NUP98: variants seen among roughly 807,000 people sequenced by gnomAD.
The protein encoded by NUP98 is nucleoporin 98 and 96 precursor.
In NUP98, 26 loss-of-function variants were observed where a neutral mutation model predicts 191.9. The ratio of observed to expected loss-of-function variants is 0.14; its 90% CI spans 0.10 to 0.19. The LOEUF (loss-of-function observed/expected upper bound fraction) is 0.19. Ranked by LOEUF, NUP98 falls within the 10% of genes least tolerant of loss-of-function variation. The pLI is 1.00. For synonymous variants in NUP98, 808 were observed against 778.4 expected (o/e 1.04, Z -0.63); for missense variants, 1,941 against 2,178.8 (o/e 0.89, Z 2.17).
At chr11:3,692,606 A>G (rs1393707149) in intron 27 of NUP98, among the ~76,000 whole-genome samples, 1 of 152,138 alleles carries the variant, frequency 6.6e-6, no homozygotes, top group Non-Finnish European at 1.5e-5. Flanking sequence ...AAAAAAAAAA[A>G]AGTAAACAGA....
intron 7 of NUP98, among the ~76,000 whole-genome samples, chr11:3,771,475 T>G (rs974054037): frequency 6.6e-6 from 1 of 152,178 alleles, no homozygotes; most frequent in African/African-American, 2.4e-5. Flanking sequence ...TGGAATGTTC[T>G]TCCCCCAGAA....
intron 10 of NUP98, among the ~76,000 whole-genome samples, chr11:3,754,578 G>A (rs2080890603): frequency 6.6e-6 from 1 of 152,142 alleles, no homozygotes; most frequent in Non-Finnish European, 1.5e-5. Flanking sequence ...ACGTGTAGCT[G>A]ATTACACGTG....
intron 14 of NUP98, among the ~76,000 whole-genome samples, chr11:3,731,158 G>C (rs1357215694): frequency 6.6e-6 from 1 of 152,086 alleles, no homozygotes; most frequent in Non-Finnish European, 1.5e-5. Flanking sequence ...CAGCTACTCA[G>C]GAGGCTGAAG....
intron 15 of NUP98, among the ~76,000 whole-genome samples, chr11:3,724,775 T>A: frequency 2.2e-5 from 1 of 44,518 alleles, no homozygotes; most frequent in African/African-American, 1.5e-4. Context: ...AGTGAGACTC[T>A]GTCTCAAAAA....
At chr11:3,730,539 T>C (rs2079803125) in intron 14 of NUP98, among the ~76,000 whole-genome samples, 1 of 152,062 alleles carries the variant, frequency 6.6e-6, no homozygotes, top group Non-Finnish European at 1.5e-5. Flanking sequence ...TAATTTTGTA[T>C]ATTCAGTAAA....
intron 1 of NUP98, among the ~76,000 whole-genome samples, chr11:3,790,189 G>A (rs935229573): frequency 2.0e-5 from 3 of 152,180 alleles, no homozygotes; most frequent in Non-Finnish European, 4.4e-5. Flanking sequence ...ATTTACTGAG[G>A]ATGAACTGTT....
In NUP98 at chr11:3,720,830, G is replaced by GAAAA; in HGVS notation, c.2147-6_2147-5insTTTT. 1.3e-5 allele frequency: 4 copies of GAAAA among 317,084 alleles called. No individual in the cohort carries two copies. The highest frequency in any genetic ancestry group is 1.9e-5 in the Non-Finnish European group (4 of 206,002). The allele number at this position is 317,084 out of a possible 1,614,324, so 19.6% of individuals were successfully genotyped here. A position where few individuals can be genotyped will look rare whatever the true frequency, so the allele number is the denominator to read the frequency against. On this transcript the variant is annotated splice_polypyrimidine_tract_variant and splice_region_variant and intron_variant, in intron 16 of 32. Coordinates refer to ENST00000324932, the MANE Select transcript of NUP98 (RefSeq NM_016320.5). The stretch of plus-strand genomic sequence containing the variant: ...CAACCTTAGTGAGAATAATACCTGT[G>GAAAA]ACAAAAAAAAAAAAAAAAACAGAAA...
rs146972892 is a variant in NUP98 at position 3,676,559 on chromosome 11, C to T, written c.5135G>A (p.Arg1712Gln). The change falls in exon 32 of 33, where the codon CGG (arginine) becomes CAG (glutamine). Residue 1712 changes from arginine to glutamine, a missense_variant. Physicochemically the swap from Arg to Gln is conservative, Grantham distance 43 (BLOSUM62 1). Around this residue, in one of 6 missense-constraint regions of NUP98, gnomAD observed 1,030 missense variants for 1,115.8 expected, o/e 0.92. Coordinates refer to ENST00000324932, the MANE Select transcript of NUP98 (RefSeq NM_016320.5). ...LHIKVTSLCS[R>Q]IEQIQCYSAK... ...ACTGTAACACTGAATCTGCTCTATC[C>T]GACTGCACAGTGAAGTCACTTTGAT... 180 of 1,614,150 alleles carry T rather than the reference C, an allele frequency of 1.1e-4. 2 individuals are homozygous for T. The African/African-American group carries it at 1.6e-3, about 14-fold the overall frequency.
chr11:3,783,258 C>T (rs960347067), intron 1 of NUP98, among the ~76,000 whole-genome samples: 1 of 151,548 alleles, frequency 6.6e-6, no homozygotes, highest in Non-Finnish European at 1.5e-5. Context: ...TGTGGTGACA[C>T]GGGACTGTAG....
At chr11:3,796,101 C>T (rs1307634399) in intron 1 of NUP98, among the ~76,000 whole-genome samples, 3 of 152,202 alleles carry the variant, frequency 2.0e-5, no homozygotes, top group African/African-American at 7.2e-5. Context: ...ACTCGAGTTT[C>T]TTTTCGAATT....
chr11:3,688,660 T>C (rs1468763233), intron 28 of NUP98, among the ~76,000 whole-genome samples: 1 of 150,418 alleles, frequency 6.6e-6, no homozygotes, highest in African/African-American at 2.4e-5. Context: ...CTGGGCTTTG[T>C]GGCGCATGCC....
intron 12 of NUP98, among the ~76,000 whole-genome samples, chr11:3,741,228 T>G (rs769199510): frequency 6.6e-5 from 10 of 152,156 alleles, no homozygotes; most frequent in Non-Finnish European, 7.4e-5. Flanking sequence ...TAAAAAAATT[T>G]TATCCCAACT....
intron 10 of NUP98, among the ~76,000 whole-genome samples, chr11:3,754,559 A>G (rs111427109): frequency 0.019 from 2,891 of 152,330 alleles, 89 homozygotes; most frequent in African/African-American, 0.066. Flanking sequence ...GAACCTAGCC[A>G]GGATAGTAAC....
At chr11:3,700,956 C>T (rs2078657780) in intron 23 of NUP98, 117 bp from the exon 24 acceptor site, 1 of 727,546 alleles carries the variant, frequency 1.4e-6, no homozygotes, top group Non-Finnish European at 2.2e-6. Context: ...AAACATTTCA[C>T]TGTAGTTTTA....
In NUP98 at chr11:3,705,219, C is replaced by T. The variant is rs747910690; in HGVS notation, c.3063G>A (p.Ser1021=). 9.3e-6 allele frequency: 15 copies of T among 1,613,958 alleles called. No homozygotes were observed. The Middle Eastern group carries it at 4.9e-4, about 53-fold the overall frequency. The change falls in exon 22 of 33, where the codon TCG becomes TCA. Residue 1021 remains serine, a synonymous_variant. Coordinates refer to ENST00000324932, the MANE Select transcript of NUP98 (RefSeq NM_016320.5). ...SPRLPISASH[S]SKTRSLVGGL... is the part of the protein sequence containing the mutation. ...CTGTACCTAGTGAACGAGTTTTCGA[C>T]GAGTGGGATGCTGAAATGGGGAGTC... is the stretch of plus-strand genomic sequence containing the variant.
chr11:3,709,905 A>C (rs1036414642), intron 20 of NUP98, among the ~76,000 whole-genome samples: 2 of 148,256 alleles, frequency 1.3e-5, no homozygotes, highest in Non-Finnish European at 3.0e-5. Context: ...GCACAGCAGC[A>C]TGGCACATGT....
chr11:3,777,225 ATTACT>A (rs1277609223), intron 4 of NUP98, among the ~76,000 whole-genome samples: 10 of 152,202 alleles, frequency 6.6e-5, no homozygotes, highest in African/African-American at 1.4e-4. Flanking sequence ...AAATCCTTGG[ATTACT>A]TTACTTTTCC....
chr11:3,696,021 G>A (rs757281543), intron 25 of NUP98, among the ~76,000 whole-genome samples: 20 of 151,872 alleles, frequency 1.3e-4, no homozygotes, highest in African/African-American at 4.1e-4. Context: ...GTGAAACCCC[G>A]TCCCTACTAA....
chr11:3,726,878 C>T (rs930861561), intron 14 of NUP98, among the ~76,000 whole-genome samples: 1 of 151,810 alleles, frequency 6.6e-6, no homozygotes, highest in African/African-American at 2.4e-5. Flanking sequence ...GCTCCCACCT[C>T]AGCCTCCCAA....
Sources: gnomAD v4.1 joint callset for allele counts (sites outside exome capture counted in the v4.1 genomes callset) on GRCh38, gnomAD v4.1.1 for gene constraint, gnomAD v4.1.1 regional missense constraint, MANE v1.5 for transcripts, NCBI Gene and HGNC (gene_info 2026-07-23, HGNC 2026-07-21) for gene names.